NCAPH2: variants seen among roughly 807,000 people sequenced by gnomAD.
NCAPH2 encodes the protein non-SMC condensin II complex subunit H2.
A neutral mutation model predicts 88.6 loss-of-function variants in NCAPH2; 56 were observed. The observed-to-expected ratio is 0.63, with a 90% confidence interval of 0.51 to 0.79. The LOEUF (loss-of-function observed/expected upper bound fraction) is 0.79, where lower values mean the gene tolerates loss of function less well. NCAPH2 is among the 30% of genes least tolerant of loss of function. The pLI, the probability that NCAPH2 is intolerant of heterozygous loss-of-function variation, is 0.00. For missense variants in NCAPH2, 794 were observed against 792.0 expected, an observed-to-expected ratio of 1.00 and a Z score of -0.03; for synonymous variants, 378 against 313.6, an observed-to-expected ratio of 1.21 and a Z score of -2.17.
Position 50,519,332 on chromosome 22 carries a change from A to G in NCAPH2, c.861+12A>G, listed in dbSNP as rs751299569. The G allele has an allele frequency of 3.1e-6, 5 of 1,609,854 alleles. No individual in the cohort carries two copies. Among genetic ancestry groups the G allele is most frequent in the South Asian group, 1.1e-5 (1 of 90,216 alleles). On this transcript the variant is annotated intron_variant, in intron 9 of 19. Coordinates refer to ENST00000420993, the MANE Select transcript of NCAPH2 (RefSeq NM_152299.4). The stretch of plus-strand genomic sequence containing the variant: ...GGAGCCCGCAGCAGGTGGGACCCAC[A>G]TGGAGGCCTGCAGAACCTGAGCTGT...
chr22:50,517,999 C>T lies in NCAPH2; in HGVS notation c.447C>T (p.Pro149=), dbSNP rs2148662387. 1 of 1,613,894 alleles carries T rather than the reference C, an allele frequency of 6.2e-7. No homozygotes were observed. The highest frequency in any genetic ancestry group is 8.5e-7 in the Non-Finnish European group (1 of 1,179,938). The change falls in exon 6 of 20, where the codon CCC becomes CCT. Residue 149 remains proline, a synonymous_variant. Transcript: ENST00000420993. ...PSEVLIIPLL[P]MALVAPDEME... is the part of the protein sequence containing the mutation. ...AGGTCCTCATCATCCCCCTCCTGCC[C>T]ATGGCCCTGGTGGCCCCTGATGAAA... is the stretch of plus-strand genomic sequence containing the variant.
At position 50,523,023 on chromosome 22, in the gene NCAPH2, C is replaced by T; in HGVS notation, c.1534C>T (p.His512Tyr). The change falls in exon 19 of 20, where the codon CAT (histidine) becomes TAT (tyrosine). Residue 512 changes from histidine to tyrosine, a missense_variant. By Grantham distance (83) the His-to-Tyr change is moderately conservative (BLOSUM62 2). Transcript: ENST00000420993. ...ATGCCCCTCCCCTGTGCAGGAGCAG[C>T]ATGTGCCCTTTGACATCCACACCTA... ...VQPLLQEQEQHVPFDIHTYGD... is the reference protein window; with the variant it reads ...VQPLLQEQEQYVPFDIHTYGD... 8 of 1,601,516 alleles carry T rather than the reference C, an allele frequency of 5.0e-6. No individual in the cohort carries two copies. The highest frequency in any genetic ancestry group is 6.8e-6 in the Non-Finnish European group (8 of 1,171,992).
intron 10 of NCAPH2, among the ~76,000 whole-genome samples, chr22:50,521,266 C>T (rs2069082034): frequency 6.6e-6 from 1 of 152,220 alleles, no homozygotes; most frequent in South Asian, 2.1e-4. Context: ...CCCAGGCTGT[C>T]ACTGCACTTG....
chr22:50,523,122 C>T lies in NCAPH2; in HGVS notation c.1633C>T (p.Pro545Ser), dbSNP rs750166188. 3 of 1,613,314 alleles carry T rather than the reference C, an allele frequency of 1.9e-6. No homozygotes were observed. Among genetic ancestry groups the T allele is most frequent in the African/African-American group, 1.3e-5 (1 of 74,918 alleles). The stretch of plus-strand genomic sequence containing the variant: ...CTTTGCGGAGCTGGTGGCTGGCCAG[C>T]CGGCCTTCGAGGTGTGTCGTTCCAT... ...CPFAELVAGQPAFEVCRSMLA... is the reference protein window; with the variant it reads ...CPFAELVAGQSAFEVCRSMLA... Residue 545 changes from proline to serine, a missense_variant, in exon 19 of 20, where the codon CCG becomes TCG. By Grantham distance (74) the Pro-to-Ser change is moderately conservative. Coordinates refer to ENST00000420993, the MANE Select transcript of NCAPH2 (RefSeq NM_152299.4).
intron 2 of NCAPH2, 98 bp from the exon 3 acceptor site, chr22:50,517,328 TG>T: frequency 1.6e-6 from 2 of 1,228,098 alleles, no homozygotes; most frequent in Non-Finnish European, 2.4e-6. Flanking sequence ...GGTTTGGTGG[TG>T]GTGGCCAGGC....
At chr22:50,518,361 C>T in intron 7 of NCAPH2, 83 bp downstream of exon 7, 1 of 1,544,508 alleles carries the variant, frequency 6.5e-7, no homozygotes, top group Non-Finnish European at 8.7e-7. Flanking sequence ...CTGTGCTTGC[C>T]ACCTCTGGTC....
chr22:50,522,180 G>A lies in NCAPH2; in HGVS notation c.1163-1G>A. ...AGCCCTCACAAGGCCTTTGTCTGCA[G>A]ACATGGAGGTCCTGTACTGGACACA... On this transcript the variant is annotated splice_acceptor_variant, in intron 13 of 19. Coordinates refer to ENST00000420993, the MANE Select transcript of NCAPH2 (RefSeq NM_152299.4). LOFTEE classifies it high-confidence loss of function. The A allele has an allele frequency of 1.2e-6, 2 of 1,613,176 alleles. No individual in the cohort carries two copies. The highest frequency in any genetic ancestry group is 1.7e-6 in the Non-Finnish European group (2 of 1,179,512).
At chr22:50,518,613 G>T (rs1025145472) in intron 7 of NCAPH2, 36 bp from the exon 8 acceptor site, 7 of 1,564,804 alleles carry the variant, frequency 4.5e-6, no homozygotes, top group Middle Eastern at 2.1e-4. Flanking sequence ...TTGGAGAGGG[G>T]CTGGGCTGAC....
chr22:50,524,165 C>T lies in NCAPH2; in HGVS notation c.*790C>T. ...GTTCGCTTTTGCTGCTGCAGCCTCT[C>T]CTTCTCAGCCCTCAGGGCCAGCCAG... On this transcript the variant is annotated 3_prime_UTR_variant, in exon 20 of 20. Transcript: ENST00000420993. The T allele has an allele frequency of 1.2e-6, 2 of 1,610,606 alleles. No homozygotes were observed. The highest frequency in any genetic ancestry group is 1.7e-6 in the Non-Finnish European group (2 of 1,180,000).
chr22:50,515,637 C>T (rs1333526557), intron 1 of NCAPH2: 31 of 1,056,742 alleles, frequency 2.9e-5, no homozygotes, highest in Admixed American at 6.4e-5. Flanking sequence ...ACCTCATGAT[C>T]TGCCCGCCTC....
chr22:50,514,405 T>G (rs1299165879), intron 1 of NCAPH2, among the ~76,000 whole-genome samples: 1 of 152,124 alleles, frequency 6.6e-6, no homozygotes, highest in African/African-American at 2.4e-5. Flanking sequence ...ACCCCTGGGT[T>G]TCTGGGCAGG....
chr22:50,513,131 C>T (rs1357205705), intron 1 of NCAPH2, among the ~76,000 whole-genome samples: 1 of 152,216 alleles, frequency 6.6e-6, no homozygotes, highest in Non-Finnish European at 1.5e-5. Flanking sequence ...TCACAAAAAC[C>T]TTGTTAGTAG....
At chr22:50,513,122 C>T (rs1350706925) in intron 1 of NCAPH2, among the ~76,000 whole-genome samples, 5 of 152,242 alleles carry the variant, frequency 3.3e-5, no homozygotes, top group Non-Finnish European at 7.3e-5. Flanking sequence ...GCAGAGTCCT[C>T]ACAAAAACCT....
intron 2 of NCAPH2, 47 bp from the exon 3 acceptor site, chr22:50,517,380 G>A: frequency 1.2e-6 from 2 of 1,602,308 alleles, no homozygotes; most frequent in Non-Finnish European, 1.7e-6. Context: ...GGCCTTGGGG[G>A]TGGGCCCCTC....
intron 1 of NCAPH2, among the ~76,000 whole-genome samples, chr22:50,515,548 C>T (rs930216600): frequency 1.3e-5 from 2 of 152,154 alleles, no homozygotes; most frequent in African/African-American, 4.8e-5. Context: ...AGGCGCCCGC[C>T]ACCACGCCCA....
intron 10 of NCAPH2, 104 bp downstream of exon 10, chr22:50,521,140 C>T: frequency 7.5e-7 from 1 of 1,334,924 alleles, no homozygotes; most frequent in East Asian, 2.5e-5. Flanking sequence ...GTGGTGTTCC[C>T]AGCCTGTGGC....
chr22:50,516,651 C>T (rs1173440123), intron 2 of NCAPH2, 103 bp downstream of exon 2: 13 of 973,542 alleles, frequency 1.3e-5, no homozygotes, highest in Non-Finnish European at 1.9e-5. Context: ...CTGTGACCTA[C>T]CTCCCTCTCT....
chr22:50,516,003 AG>A lies in NCAPH2; in HGVS notation c.109-440del, dbSNP rs202030728. Among the ~76,000 whole-genome samples the A allele has an allele frequency of 4.0e-4, 56 of 140,618 alleles. No homozygotes were observed. The East Asian group carries it at 0.011, about 27-fold the overall frequency. The allele number at this position is 140,618 out of a possible 152,430, so 92.3% of individuals were successfully genotyped here. On this transcript the variant is annotated intron_variant, in intron 1 of 19. Transcript: ENST00000420993. ...GAGGAGCTGGGGCTCCGGGAGGCTG[AG>A]GGGAGCAGAGGAAGGATGGCGACTC...
chr22:50,510,584 C>A (rs764330182), intron 1 of NCAPH2, among the ~76,000 whole-genome samples: 1 of 152,080 alleles, frequency 6.6e-6, no homozygotes. Flanking sequence ...TGCACCACCA[C>A]GTCCAGTTAA....
Sources: gnomAD v4.1 joint callset for allele counts (sites outside exome capture counted in the v4.1 genomes callset) on GRCh38, gnomAD v4.1.1 for gene constraint, MANE v1.5 for transcripts, NCBI Gene and HGNC (gene_info 2026-07-23, HGNC 2026-07-21) for gene names.